Variants in KCND2 observed in about 807,000 individuals in gnomAD.
The protein encoded by KCND2 is potassium voltage-gated channel subfamily D member 2, also known as A-type voltage-gated potassium channel KCND2.
Under a neutral mutation model 54.4 loss-of-function variants are expected in KCND2, and 16 were observed. The ratio of observed to expected loss-of-function variants is 0.29; its 90% CI spans 0.20 to 0.45. The LOEUF (loss-of-function observed/expected upper bound fraction) is 0.45, where lower values mean the gene tolerates loss of function less well. Among genes scored for constraint, KCND2 ranks in the 20% least tolerant of loss-of-function variants. KCND2 has a pLI of 1.00. For missense variants in KCND2, 486 were observed against 824.2 expected, an observed-to-expected ratio of 0.59 and a Z score of 5.02; for synonymous variants, 317 against 310.7, an observed-to-expected ratio of 1.02 and a Z score of -0.21.
chr7:120,326,815 T>C (rs1799985317), intron 1 of KCND2, among the ~76,000 whole-genome samples: 1 of 152,098 alleles, frequency 6.6e-6, no homozygotes, highest in Admixed American at 6.6e-5. Flanking sequence ...TAACCTTTAC[T>C]GCTAACAGTG....
intron 1 of KCND2, among the ~76,000 whole-genome samples, chr7:120,349,607 CAGAG>C (rs1171189858): frequency 6.6e-6 from 1 of 152,140 alleles, no homozygotes; most frequent in African/African-American, 2.4e-5. Context: ...AAATCTTTCT[CAGAG>C]AATCTCACTA....
intron 1 of KCND2, among the ~76,000 whole-genome samples, chr7:120,510,616 T>G (rs1181062330): frequency 2.0e-5 from 3 of 152,080 alleles, no homozygotes; most frequent in African/African-American, 4.8e-5. Context: ...TTGATATCAT[T>G]TTTAATAACT....
chr7:120,343,210 G>A (rs1800267193), intron 1 of KCND2, among the ~76,000 whole-genome samples: 1 of 152,172 alleles, frequency 6.6e-6, no homozygotes, highest in African/African-American at 2.4e-5. Context: ...AAGAGGCTGG[G>A]AAATGCAGTC....
intron 1 of KCND2, among the ~76,000 whole-genome samples, chr7:120,493,593 C>CA (rs1802812919): frequency 6.6e-6 from 1 of 152,004 alleles, no homozygotes; most frequent in South Asian, 2.1e-4. Flanking sequence ...CAGAAAAACA[C>CA]AGACACCAGA....
chr7:120,422,203 T>C (rs1001101632), intron 1 of KCND2, among the ~76,000 whole-genome samples: 9 of 152,192 alleles, frequency 5.9e-5, no homozygotes, highest in African/African-American at 1.9e-4. Flanking sequence ...TCATGAGTCT[T>C]ACCATTCTGG....
At chr7:120,393,143 T>G (rs1463209567) in intron 1 of KCND2, among the ~76,000 whole-genome samples, 1 of 152,052 alleles carries the variant, frequency 6.6e-6, no homozygotes, top group Admixed American at 6.6e-5. Context: ...ACGTTGAGTT[T>G]GTTTTTTTAT....
chr7:120,477,305 A>C (rs1802546907), intron 1 of KCND2, among the ~76,000 whole-genome samples: 1 of 152,134 alleles, frequency 6.6e-6, no homozygotes, highest in Non-Finnish European at 1.5e-5. Context: ...AAATATGTCA[A>C]ATGTAGCTTC....
intron 1 of KCND2, among the ~76,000 whole-genome samples, chr7:120,618,471 G>A (rs1431117959): frequency 6.6e-6 from 1 of 152,094 alleles, no homozygotes; most frequent in Non-Finnish European, 1.5e-5. Context: ...AGTTACAACT[G>A]CACTAACTTT....
At position 120,322,967 on chromosome 7, in the gene KCND2, C is replaced by T. The variant is rs959822892; in HGVS notation, c.1115+47220C>T. On this transcript the variant is annotated intron_variant, in intron 1 of 5. Coordinates refer to ENST00000331113, the MANE Select transcript of KCND2 (RefSeq NM_012281.3). ...TAGTATAAAATAAATAGTTTTAAAA[C>T]AAAGTCATTGATCAGCACAATGATG... is the stretch of plus-strand genomic sequence containing the variant. Among the ~76,000 whole-genome samples the T allele has an allele frequency of 7.2e-5, 11 of 152,176 alleles. No individual in the cohort carries two copies. In the South Asian group the frequency reaches 1.9e-3, roughly 26 times the overall value.
At chr7:120,547,731 C>A (rs802340) in intron 1 of KCND2, among the ~76,000 whole-genome samples, 56,993 of 151,926 alleles carry the variant, frequency 0.38, 16,061 homozygotes, top group African/African-American at 0.78. Context: ...AGTGCCAGAA[C>A]GACTAACAGG....
At chr7:120,738,328 T>C (rs1417096338) in intron 2 of KCND2, among the ~76,000 whole-genome samples, 1 of 152,032 alleles carries the variant, frequency 6.6e-6, no homozygotes, top group Non-Finnish European at 1.5e-5. Flanking sequence ...CTGTTTGATT[T>C]AGATTTTACT....
chr7:120,528,497 T>C (rs892710806), intron 1 of KCND2, among the ~76,000 whole-genome samples: 2 of 152,136 alleles, frequency 1.3e-5, no homozygotes, highest in East Asian at 1.9e-4. Context: ...TGTAAGATAT[T>C]ATGTGTCATT....
Position 120,473,142 on chromosome 7 carries a change from G to A in KCND2, c.1115+197395G>A, listed in dbSNP as rs143278637. On this transcript the variant is annotated intron_variant, in intron 1 of 5. Transcript: ENST00000331113. The stretch of plus-strand genomic sequence containing the variant: ...CCAGCTCAGCTGCAACACCCACAGA[G>A]GGAGAAAACCATGGTTCTGCGGGGC... Among the ~76,000 whole-genome samples, 800 of 152,278 alleles carry A rather than the reference G, an allele frequency of 5.3e-3. 6 individuals are homozygous for A. Among genetic ancestry groups the A allele is most frequent in the African/African-American group, 0.018 (748 of 41,554 alleles).
At chr7:120,725,699 A>G (rs1038574148) in intron 1 of KCND2, among the ~76,000 whole-genome samples, 1 of 152,198 alleles carries the variant, frequency 6.6e-6, no homozygotes, top group East Asian at 1.9e-4. Context: ...TCCTTCGTGC[A>G]TTGTGAGTTC....
intron 1 of KCND2, among the ~76,000 whole-genome samples, chr7:120,365,950 A>C (rs1031285663): frequency 6.6e-6 from 1 of 152,176 alleles, no homozygotes; most frequent in African/African-American, 2.4e-5. Flanking sequence ...ATATTATTAC[A>C]AACTTTAGTT....
intron 1 of KCND2, among the ~76,000 whole-genome samples, chr7:120,497,840 C>T (rs920147935): frequency 2.6e-5 from 4 of 152,188 alleles, no homozygotes; most frequent in African/African-American, 9.7e-5. Context: ...AAAATAGTTT[C>T]ACTTCAGATG....
chr7:120,275,987 A>C (rs1226363139), intron 1 of KCND2, among the ~76,000 whole-genome samples: 3 of 152,186 alleles, frequency 2.0e-5, no homozygotes, highest in Non-Finnish European at 4.4e-5. Flanking sequence ...GATACAAAGA[A>C]ATTTTAGAAT....
In KCND2 at chr7:120,284,159, C is replaced by T. The variant is rs189036977; in HGVS notation, c.1115+8412C>T. ...AATCTAGAGGAATTCAGTGTGGCCT[C>T]TCACTTTAGCATGCTGTTTCCATGA... On this transcript the variant is annotated intron_variant, in intron 1 of 5. Coordinates refer to ENST00000331113, the MANE Select transcript of KCND2 (RefSeq NM_012281.3). 2.3e-3 allele frequency among the ~76,000 whole-genome samples: 349 copies of T among 152,196 alleles called. 4 individuals carry two copies. The Middle Eastern group carries it at 0.024, about 10-fold the overall frequency.
chr7:120,470,273 T>A (rs1802434880), intron 1 of KCND2, among the ~76,000 whole-genome samples: 1 of 152,092 alleles, frequency 6.6e-6, no homozygotes, highest in South Asian at 2.1e-4. Flanking sequence ...GAGAGAAAAT[T>A]TAGTTCTAAA....
Sources: gnomAD v4.1 joint callset for allele counts (sites outside exome capture counted in the v4.1 genomes callset) on GRCh38, gnomAD v4.1.1 for gene constraint, MANE v1.5 for transcripts, NCBI Gene and HGNC (gene_info 2026-07-23, HGNC 2026-07-21) for gene names.